Variants in FRMD4A observed in about 807,000 individuals in gnomAD.
FRMD4A encodes the protein FERM domain containing 4A.
Under a neutral mutation model 129.1 loss-of-function variants are expected in FRMD4A, and 29 were observed. That is an observed-to-expected ratio of 0.22 (90% CI 0.17 to 0.31). The LOEUF (loss-of-function observed/expected upper bound fraction) is 0.31. Ranked by LOEUF, FRMD4A falls within the 10% of genes least tolerant of loss-of-function variation. FRMD4A has a pLI of 1.00. For missense variants in FRMD4A, 1,272 were observed against 1,375.8 expected, an observed-to-expected ratio of 0.92 and a Z score of 1.19; for synonymous variants, 634 against 571.6, an observed-to-expected ratio of 1.11 and a Z score of -1.56.
At chr10:13,796,720 T>G in intron 4 of FRMD4A, 132 bp from the exon 5 acceptor site, 1 of 565,586 alleles carries the variant, frequency 1.8e-6, no homozygotes, top group Non-Finnish European at 3.2e-6. Flanking sequence ...TTTAATTTTT[T>G]TTTAGTTTTT....
chr10:13,884,150 A>ACACT (rs1564970678), intron 2 of FRMD4A, among the ~76,000 whole-genome samples: 6 of 20,940 alleles, frequency 2.9e-4, no homozygotes, highest in Non-Finnish European at 1.1e-3. Context: ...ACACTCTCAC[A>ACACT]CACTCTCACA....
At chr10:14,258,449 T>C (rs1235092754) in intron 2 of FRMD4A, among the ~76,000 whole-genome samples, 1 of 151,716 alleles carries the variant, frequency 6.6e-6, no homozygotes, top group Non-Finnish European at 1.5e-5. Context: ...CATGAAAAAA[T>C]CCTCAGCACC....
chr10:13,925,740 C>T (rs746733046), intron 2 of FRMD4A, among the ~76,000 whole-genome samples: 4 of 151,366 alleles, frequency 2.6e-5, no homozygotes, highest in East Asian at 3.9e-4. Context: ...CGCACCACCA[C>T]GCCTGAATAA....
intron 2 of FRMD4A, among the ~76,000 whole-genome samples, chr10:13,865,482 GCT>G (rs927359671): frequency 1.8e-5 from 2 of 110,094 alleles, no homozygotes; most frequent in Admixed American, 1.9e-4. Context: ...ACAGGGTTTT[GCT>G]CTGTCTCCTA....
At chr10:13,976,790 A>T (rs1247309347) in intron 2 of FRMD4A, among the ~76,000 whole-genome samples, 1 of 152,202 alleles carries the variant, frequency 6.6e-6, no homozygotes, top group Non-Finnish European at 1.5e-5. Flanking sequence ...TCATTCAGGG[A>T]TTATTTATTG....
At chr10:13,694,753 G>A (rs1169584392) in intron 14 of FRMD4A, among the ~76,000 whole-genome samples, 1 of 152,038 alleles carries the variant, frequency 6.6e-6, no homozygotes, top group East Asian at 1.9e-4. Flanking sequence ...GAGACAAGAG[G>A]ATTGCTTGAG....
In FRMD4A at chr10:13,848,877, A is replaced by G. The variant is rs1400588924; in HGVS notation, c.111+9970T>C. 2.0e-5 allele frequency among the ~76,000 whole-genome samples: 3 copies of G among 152,304 alleles called. No individual in the cohort carries two copies. The South Asian group carries it at 6.2e-4, about 32-fold the overall frequency. On this transcript the variant is annotated intron_variant, in intron 3 of 24. Coordinates refer to ENST00000357447, the MANE Select transcript of FRMD4A (RefSeq NM_018027.5). ...CTTGTGCTCCCCAAGAGTATGTTTT[A>G]TGGACTATTTCTTATTCCTCTCCAT...
At chr10:14,090,736 G>C (rs1836613184) in intron 2 of FRMD4A, among the ~76,000 whole-genome samples, 1 of 152,176 alleles carries the variant, frequency 6.6e-6, no homozygotes, top group Non-Finnish European at 1.5e-5. Context: ...TCAGTATTTT[G>C]CAACAAATCT....
chr10:14,167,321 C>A (rs1030750323), intron 2 of FRMD4A, among the ~76,000 whole-genome samples: 12 of 151,988 alleles, frequency 7.9e-5, no homozygotes, highest in Non-Finnish European at 1.3e-4. Context: ...CACTTGAGGT[C>A]GGGAGATCAA....
At chr10:14,096,990 AC>A (rs1272041777) in intron 2 of FRMD4A, 1 of 150,966 alleles carries the variant, frequency 6.6e-6, no homozygotes, top group African/African-American at 2.5e-5. Flanking sequence ...CAAAAATTAG[AC>A]GGGGGTGGTG....
intron 20 of FRMD4A, 105 bp downstream of exon 20, chr10:13,660,211 G>C (rs1374142573): frequency 7.9e-6 from 6 of 757,726 alleles, no homozygotes; most frequent in Non-Finnish European, 1.4e-5. Context: ...GGAGGAACTA[G>C]GTTGATGTGG....
intron 21 of FRMD4A, among the ~76,000 whole-genome samples, chr10:13,659,073 T>C (rs568116621): frequency 6.6e-6 from 1 of 152,260 alleles, no homozygotes; most frequent in Admixed American, 6.5e-5. Context: ...CTGCTTTGCT[T>C]AGGAAACTTT....
intron 2 of FRMD4A, among the ~76,000 whole-genome samples, chr10:14,029,263 G>C (rs930140020): frequency 2.7e-5 from 4 of 146,544 alleles, no homozygotes; most frequent in Non-Finnish European, 6.1e-5. Context: ...CGGTGGTGGG[G>C]TGGGAATTGG....
intron 6 of FRMD4A, among the ~76,000 whole-genome samples, chr10:13,774,950 G>GAAAA (rs60193088): frequency 7.9e-6 from 1 of 127,068 alleles, no homozygotes; most frequent in African/African-American, 2.6e-5. Flanking sequence ...AGAAATTTAA[G>GAAAA]AAAAAAAAAA....
intron 13 of FRMD4A, among the ~76,000 whole-genome samples, chr10:13,702,316 G>C (rs1308629272): frequency 1.3e-5 from 2 of 152,170 alleles, no homozygotes; most frequent in Non-Finnish European, 2.9e-5. Flanking sequence ...CACCTGCCTC[G>C]GCCTCCCAAA....
At chr10:14,249,180 A>G (rs1441498546) in intron 2 of FRMD4A, among the ~76,000 whole-genome samples, 1 of 151,974 alleles carries the variant, frequency 6.6e-6, no homozygotes, top group East Asian at 1.9e-4. Context: ...GTGAAATGTC[A>G]TCTCTACTAA....
intron 2 of FRMD4A, among the ~76,000 whole-genome samples, chr10:14,072,011 A>C (rs1835341512): frequency 6.6e-6 from 1 of 152,230 alleles, no homozygotes. Flanking sequence ...GCCTTCAATA[A>C]ATGTTGATAT....
At chr10:13,753,655 C>T (rs2091734391) in intron 8 of FRMD4A, among the ~76,000 whole-genome samples, 1 of 151,514 alleles carries the variant, frequency 6.6e-6, no homozygotes, top group Non-Finnish European at 1.5e-5. Flanking sequence ...AGTGAACCAC[C>T]TGCCTTAGCC....
chr10:13,663,801 T>A (rs2082817092), intron 18 of FRMD4A, among the ~76,000 whole-genome samples: 3 of 152,112 alleles, frequency 2.0e-5, no homozygotes. Context: ...ATACCGAATA[T>A]AAAGGCTGCC....
Sources: gnomAD v4.1 joint callset for allele counts (sites outside exome capture counted in the v4.1 genomes callset) on GRCh38, gnomAD v4.1.1 for gene constraint, MANE v1.5 for transcripts, NCBI Gene and HGNC (gene_info 2026-07-23, HGNC 2026-07-21) for gene names.